The following CTSB variants were observed in gnomAD, a reference collection of about 807,000 sequenced individuals.
CTSB encodes the protein APP secretase.
A neutral mutation model predicts 44.3 loss-of-function variants in CTSB; 57 were observed. The ratio of observed to expected loss-of-function variants is 1.29; its 90% confidence interval spans 1.04 to 1.60. CTSB has a LOEUF of 1.60. Ranked by LOEUF, CTSB falls within the 40% of genes most tolerant of loss-of-function variation. The pLI, the probability that CTSB is intolerant of heterozygous loss-of-function variation, is 0.00. For missense variants in CTSB, 768 were observed against 443.0 expected (o/e 1.73, Z -6.59); for synonymous variants, 320 against 168.0 (o/e 1.91, Z -7.00).
At chr8:11,847,930 G>C (rs566304728) in intron 6 of CTSB, 108 bp from the exon 7 acceptor site, 15 of 1,412,170 alleles carry the variant, frequency 1.1e-5, no homozygotes, top group South Asian at 9.4e-5. Flanking sequence ...GGTCCTGCCA[G>C]AGGCCTGTGC....
chr8:11,851,624 C>G (rs1256190859), intron 3 of CTSB, among the ~76,000 whole-genome samples: 3 of 152,184 alleles, frequency 2.0e-5, no homozygotes, highest in Non-Finnish European at 4.4e-5. Flanking sequence ...GCTCTCCTGC[C>G]TCAACCTCTG....
chr8:11,855,176 C>T (rs1303618494), intron 1 of CTSB, among the ~76,000 whole-genome samples: 1 of 152,162 alleles, frequency 6.6e-6, no homozygotes. Flanking sequence ...CATGTGCCAT[C>T]ATGCCCAGCT....
chr8:11,848,851 C>T (rs112769615), intron 5 of CTSB, 195 bp downstream of exon 5: 15 of 516,794 alleles, frequency 2.9e-5, no homozygotes, highest in Admixed American at 1.6e-4. Context: ...ACAGCTCTGC[C>T]GGGCCAGCCT....
rs1812845683 is a variant in CTSB at position 11,844,418 on chromosome 8, A to C, written c.*707T>G. On this transcript the variant is annotated 3_prime_UTR_variant, in exon 10 of 10. Transcript: ENST00000353047. ...AACAGTAAAAGCTGGTTTCTCCTAA[A>C]CTATTTTCCTTGTGGTAGTAGAGAT... The C allele has an allele frequency of 2.0e-5, 3 of 152,184 alleles. No individual in the cohort carries two copies. Among genetic ancestry groups the C allele is most frequent in the Admixed American group, 6.5e-5 (1 of 15,272 alleles). 9.4% of individuals were successfully genotyped at this position (152,184 alleles called of 1,614,324 possible).
Position 11,847,183 on chromosome 8 carries a change from G to C in CTSB, c.677-15C>G, listed in dbSNP as rs553226277. On this transcript the variant is annotated splice_polypyrimidine_tract_variant and intron_variant, in intron 7 of 9. Transcript: ENST00000353047. ...GGAATTGTATCCTGGAAAATGAACC[G>C]AGCTCGGGGTTGGGGAGGGCAGTGA... The C allele has an allele frequency of 4.5e-6, 7 of 1,562,912 alleles. No homozygotes were observed. The highest frequency in any genetic ancestry group is 3.3e-5 in the South Asian group (3 of 90,018).
Position 11,843,689 on chromosome 8 carries a change from G to A in CTSB, c.*1436C>T, listed in dbSNP as rs12898. ...TTATGTGAGATCACCAAGACACCAA[G>A]CCTGTTTTATGAGCTGAATCCTCAG... On this transcript the variant is annotated 3_prime_UTR_variant, in exon 10 of 10. Transcript: ENST00000353047. The A allele has an allele frequency of 0.53, 81,146 of 152,084 alleles. 22,695 individuals carry two copies. Among genetic ancestry groups the A allele is most frequent in the Non-Finnish European group, 0.64 (43,720 of 67,964 alleles). 9.4% of individuals were successfully genotyped at this position (152,084 alleles called of 1,614,324 possible).
At chr8:11,854,844 G>C (rs1384040086) in intron 1 of CTSB, 1 of 152,188 alleles carries the variant, frequency 6.6e-6, no homozygotes, top group Non-Finnish European at 1.5e-5. Context: ...TAAAATGCTG[G>C]GTGATGCTCA....
chr8:11,850,777 G>A, intron 4 of CTSB, 89 bp downstream of exon 4: 1 of 848,342 alleles, frequency 1.2e-6, no homozygotes, highest in Non-Finnish European at 1.9e-6. Flanking sequence ...TGCCTTGTCA[G>A]AGTTGTCCCC....
chr8:11,842,576 T>G lies in CTSB; in HGVS notation c.*2549A>C, dbSNP rs1358449883. ...GTTATGAATATATTCTACTTGAAACTGGAAGGATAAGTGGTTATGAATTTG... is the reference window on the plus strand; with the variant it reads ...GTTATGAATATATTCTACTTGAAACGGGAAGGATAAGTGGTTATGAATTTG... On this transcript the variant is annotated 3_prime_UTR_variant, in exon 10 of 10. Transcript: ENST00000353047. 7 of 152,148 alleles carry G rather than the reference T, an allele frequency of 4.6e-5. No individual in the cohort carries two copies. Among genetic ancestry groups the G allele is most frequent in the Non-Finnish European group, 4.4e-5 (3 of 68,028 alleles). 9.4% of individuals were successfully genotyped at this position (152,148 alleles called of 1,614,324 possible).
rs369461281 is a variant in CTSB at position 11,844,047 on chromosome 8, A to G, written c.*1078T>C. On this transcript the variant is annotated 3_prime_UTR_variant, in exon 10 of 10. Transcript: ENST00000353047. The stretch of plus-strand genomic sequence containing the variant: ...CACTCTGTCAGTCACAACAACAACA[A>G]AAAAATAGAGCACAGCTATGTTTTG... 6.6e-6 allele frequency: 1 copy of G among 152,326 alleles called. No homozygotes were observed. The allele number at this position is 152,326 out of a possible 1,614,324, so 9.4% of individuals were successfully genotyped here. A position where few individuals can be genotyped will look rare whatever the true frequency, so the allele number is the denominator to read the frequency against.
chr8:11,861,706 G>T (rs1224724634), intron 1 of CTSB, among the ~76,000 whole-genome samples: 1 of 152,244 alleles, frequency 6.6e-6, no homozygotes, highest in African/African-American at 2.4e-5. Context: ...CAGAGCCAAT[G>T]CATTCACCAC....
intron 4 of CTSB, 132 bp from the exon 5 acceptor site, chr8:11,849,296 T>G (rs1253117276): frequency 1.6e-6 from 1 of 610,900 alleles, no homozygotes. Context: ...GGGACGCTCC[T>G]GGGGCTCAAA....
At chr8:11,849,523 G>C (rs2645422) in intron 4 of CTSB, 101,368 of 172,052 alleles carry the variant, frequency 0.59, 30,203 homozygotes, top group Middle Eastern at 0.63. Flanking sequence ...CCTGGAAACT[G>C]GGTTCATTTC....
intron 1 of CTSB, among the ~76,000 whole-genome samples, chr8:11,855,954 G>A (rs1364932069): frequency 1.3e-5 from 2 of 152,286 alleles, no homozygotes; most frequent in African/African-American, 4.8e-5. Flanking sequence ...CTTGAACCCA[G>A]GAGGTGGAGA....
chr8:11,860,833 G>C (rs543291583), intron 1 of CTSB, among the ~76,000 whole-genome samples: 1 of 152,296 alleles, frequency 6.6e-6, no homozygotes, highest in African/African-American at 2.4e-5. Flanking sequence ...GGCACTCACC[G>C]CTAATAACGG....
At chr8:11,847,997 A>G in intron 6 of CTSB, 70 bp downstream of exon 6, 3 of 1,426,564 alleles carry the variant, frequency 2.1e-6, no homozygotes, top group Non-Finnish European at 2.9e-6. Context: ...TATAAAGGCA[A>G]ATAAAGCCAT....
In CTSB at chr8:11,853,525, C is replaced by T. The variant is rs532968930; in HGVS notation, c.-25-46G>A. 146 of 1,550,742 alleles carry T rather than the reference C, an allele frequency of 9.4e-5. 1 individual carries two copies. The African/African-American group carries it at 1.6e-3, about 17-fold the overall frequency. The stretch of plus-strand genomic sequence containing the variant: ...CAGGACACCTCTCTGTTATGTGGGT[C>T]GAGGGCTCACACACACAGGGGCACC... On this transcript the variant is annotated intron_variant, in intron 1 of 9. Transcript: ENST00000353047.
intron 9 of CTSB, 73 bp from the exon 10 acceptor site, chr8:11,845,295 G>A (rs778987491): frequency 3.4e-6 from 4 of 1,177,252 alleles, no homozygotes; most frequent in Non-Finnish European, 5.0e-6. Context: ...ATCCTTAAAA[G>A]ACCTTAAGTC....
chr8:11,848,078 T>G lies in CTSB; in HGVS notation c.521A>C (p.Glu174Ala). 3 of 1,613,046 alleles carry G rather than the reference T, an allele frequency of 1.9e-6. No homozygotes were observed. The highest frequency in any genetic ancestry group is 2.5e-6 in the Non-Finnish European group (3 of 1,179,290). Reference protein sequence around the residue: ...RKGLVSGGLYESHVGCRPYSI... With the variant: ...RKGLVSGGLYASHVGCRPYSI... ...GGGGACACACTTACCTACATGGGAT[T>G]CATAGAGGCCACCAGAAACCAGGCC... The change falls in exon 6 of 10, where the codon GAA (glutamate) becomes GCA (alanine). Residue 174 changes from glutamate (E) to alanine (A), a missense_variant. Physicochemically the swap from Glu to Ala is moderately radical, Grantham distance 107 (BLOSUM62 -1). Coordinates refer to ENST00000353047, the MANE Select transcript of CTSB (RefSeq NM_001908.5).
Sources: gnomAD v4.1 joint callset for allele counts (sites outside exome capture counted in the v4.1 genomes callset) on GRCh38, gnomAD v4.1.1 for gene constraint, MANE v1.5 for transcripts, NCBI Gene and HGNC (gene_info 2026-07-23, HGNC 2026-07-21) for gene names.